The following ST7 variants were observed in gnomAD, a reference collection of about 807,000 sequenced individuals.
ST7 encodes suppression of tumorigenicity 7.
In ST7, 28 loss-of-function variants were observed where a neutral mutation model predicts 78.7. The ratio of observed to expected loss-of-function variants is 0.36; its 90% CI spans 0.26 to 0.49. The LOEUF (loss-of-function observed/expected upper bound fraction) is 0.49. Among genes scored for constraint, ST7 ranks in the 20% least tolerant of loss-of-function variants. The pLI is 0.99. For missense variants in ST7, 418 were observed against 696.0 expected (o/e 0.60, Z 4.49); for synonymous variants, 247 against 249.6 (o/e 0.99, Z 0.10).
intron 1 of ST7, 150 bp downstream of exon 1, chr7:116,953,841 C>A: frequency 2.7e-6 from 1 of 375,226 alleles, no homozygotes; most frequent in Non-Finnish European, 3.6e-6. Flanking sequence ...AGCAACGCGG[C>A]GGCTTAGGCG....
intron 5 of ST7, among the ~76,000 whole-genome samples, chr7:117,131,446 A>T (rs1393760055): frequency 6.6e-6 from 1 of 151,896 alleles, no homozygotes; most frequent in Admixed American, 6.6e-5. Context: ...TGACCCACGC[A>T]TAATTCTTGA....
At chr7:117,209,221 C>T (rs1792080549) in intron 12 of ST7, among the ~76,000 whole-genome samples, 1 of 152,112 alleles carries the variant, frequency 6.6e-6, no homozygotes, top group South Asian at 2.1e-4. Context: ...AAGAGTGTCA[C>T]AGTTTGGGGT....
chr7:117,111,329 T>C (rs1802413459), intron 2 of ST7, among the ~76,000 whole-genome samples: 1 of 152,176 alleles, frequency 6.6e-6, no homozygotes, highest in Non-Finnish European at 1.5e-5. Flanking sequence ...GCCATGGACA[T>C]TTAAAGTACA....
intron 10 of ST7, chr7:117,187,644 T>C (rs1365870095): frequency 6.6e-6 from 1 of 152,208 alleles, no homozygotes; most frequent in Non-Finnish European, 1.5e-5. Context: ...TAGATAACCA[T>C]CAAACACAAC....
chr7:117,058,579 G>T (rs1798186455), intron 1 of ST7, among the ~76,000 whole-genome samples: 1 of 152,120 alleles, frequency 6.6e-6, no homozygotes, highest in Admixed American at 6.5e-5. Flanking sequence ...ATCAAAAAGG[G>T]AAATATTTAA....
chr7:117,217,392 C>T (rs1338773827), intron 13 of ST7, among the ~76,000 whole-genome samples: 1 of 151,928 alleles, frequency 6.6e-6, no homozygotes, highest in African/African-American at 2.4e-5. Flanking sequence ...AAAATCCTGC[C>T]GTAATGTAGT....
At chr7:116,992,411 T>C (rs1219990777) in intron 1 of ST7, among the ~76,000 whole-genome samples, 1 of 152,238 alleles carries the variant, frequency 6.6e-6, no homozygotes, top group Non-Finnish European at 1.5e-5. Flanking sequence ...CAACACCATG[T>C]GGAAGCTTCC....
intron 1 of ST7, chr7:116,967,343 G>C (rs1164966866): frequency 2.1e-6 from 1 of 471,048 alleles, no homozygotes; most frequent in African/African-American, 2.0e-5. Flanking sequence ...TGCTCCACTT[G>C]CGCTACTCTC....
intron 9 of ST7, among the ~76,000 whole-genome samples, chr7:117,149,693 A>T (rs1806103251): frequency 6.7e-6 from 1 of 148,906 alleles, no homozygotes; most frequent in Non-Finnish European, 1.5e-5. Context: ...TTTTTCTTAA[A>T]ACTTGGTTCT....
intron 1 of ST7, among the ~76,000 whole-genome samples, chr7:116,964,439 CAATT>C (rs1224731101): frequency 2.0e-5 from 3 of 152,146 alleles, no homozygotes; most frequent in African/African-American, 4.8e-5. Flanking sequence ...CTGCTCCACT[CAATT>C]GATTCAGATT....
At chr7:117,126,433 T>C (rs1053678445) in intron 3 of ST7, among the ~76,000 whole-genome samples, 2 of 152,070 alleles carry the variant, frequency 1.3e-5, no homozygotes, top group Middle Eastern at 3.4e-3. Flanking sequence ...TGTGGTTCTC[T>C]CAGAATATTT....
chr7:117,104,928 A>AAGAAGTGGGGT (rs1294367449), intron 2 of ST7, among the ~76,000 whole-genome samples: 2 of 152,194 alleles, frequency 1.3e-5, no homozygotes, highest in African/African-American at 4.8e-5. Flanking sequence ...TAAGAAGCTT[A>AAGAAGTGGGGT]TATATGATCT....
intron 1 of ST7, among the ~76,000 whole-genome samples, chr7:117,067,709 A>T (rs963385083): frequency 2.6e-5 from 4 of 152,210 alleles, no homozygotes; most frequent in African/African-American, 9.7e-5. Flanking sequence ...AAAGTTTAAA[A>T]GTTGAGATCT....
At chr7:116,977,120 A>G (rs1394951361) in intron 1 of ST7, among the ~76,000 whole-genome samples, 1 of 152,196 alleles carries the variant, frequency 6.6e-6, no homozygotes, top group Admixed American at 6.5e-5. Context: ...GTAATGTCAG[A>G]TATTCTGAGG....
intron 10 of ST7, among the ~76,000 whole-genome samples, chr7:117,186,475 A>G (rs1809271920): frequency 6.6e-6 from 1 of 152,214 alleles, no homozygotes; most frequent in South Asian, 2.1e-4. Context: ...GGAGCAGGGC[A>G]GTAACAAGAT....
chr7:117,121,277 G>A (rs911189153), intron 3 of ST7, among the ~76,000 whole-genome samples: 14 of 152,252 alleles, frequency 9.2e-5, no homozygotes, highest in African/African-American at 3.1e-4. Context: ...TTTTGCTTTG[G>A]TGAGGTCTCT....
At chr7:117,138,794 G>A (rs920115501) in intron 9 of ST7, among the ~76,000 whole-genome samples, 3 of 152,066 alleles carry the variant, frequency 2.0e-5, no homozygotes, top group Non-Finnish European at 2.9e-5. Context: ...GAATTTTTTC[G>A]AGGACTAAAT....
chr7:116,991,789 G>C (rs1794442478), intron 1 of ST7, among the ~76,000 whole-genome samples: 1 of 152,198 alleles, frequency 6.6e-6, no homozygotes, highest in African/African-American at 2.4e-5. Flanking sequence ...AGTTACATCT[G>C]AGACAAGGCA....
chr7:117,042,590 G>T lies in ST7; in HGVS notation c.152-57172G>T, dbSNP rs548902874. On this transcript the variant is annotated intron_variant, in intron 1 of 15. Coordinates refer to ENST00000323984, the MANE Select transcript of ST7 (RefSeq NM_001369598.1). ...CCCTATTAAATATAATTCCAAACAC[G>T]GTGGCATGATTGCCAGTGAGTTCTT... Among the ~76,000 whole-genome samples the T allele has an allele frequency of 8.5e-5, 13 of 152,184 alleles. No homozygotes were observed. The East Asian group carries it at 2.5e-3, about 29-fold the overall frequency.
Sources: gnomAD v4.1 joint callset for allele counts (sites outside exome capture counted in the v4.1 genomes callset) on GRCh38, gnomAD v4.1.1 for gene constraint, MANE v1.5 for transcripts, NCBI Gene and HGNC (gene_info 2026-07-23, HGNC 2026-07-21) for gene names.